The following HERC2 variants were observed in gnomAD, a reference collection of about 807,000 sequenced individuals.
HERC2 encodes E3 ubiquitin-protein ligase HERC2.
In HERC2, 102 loss-of-function variants were observed where a neutral mutation model predicts 537.7. The observed-to-expected ratio is 0.19, with a 90% CI of 0.16 to 0.22. The LOEUF is 0.22. Ranked by LOEUF, HERC2 falls within the 10% of genes least tolerant of loss-of-function variation. HERC2 has a pLI of 1.00. For synonymous variants in HERC2, 2,224 were observed against 2,466.2 expected, an observed-to-expected ratio of 0.90 and a Z score of 2.91; for missense variants, 4,236 against 6,198.2, an observed-to-expected ratio of 0.68 and a Z score of 10.63.
chr15:28,311,078 A>AAAC (rs1258856220), intron 2 of HERC2, among the ~76,000 whole-genome samples: 10 of 123,278 alleles, frequency 8.1e-5, no homozygotes, highest in African/African-American at 3.2e-4. Flanking sequence ...CTGCATCTCA[A>AAAC]AAAAAAAAAA....
intron 69 of HERC2, among the ~76,000 whole-genome samples, chr15:28,159,366 A>T (rs936233732): frequency 3.0e-4 from 46 of 152,136 alleles, no homozygotes; most frequent in Admixed American, 2.0e-4. Context: ...CATCACTTTC[A>T]GGTGCACCAA....
intron 53 of HERC2, among the ~76,000 whole-genome samples, chr15:28,191,699 G>A (rs1337180475): frequency 6.6e-6 from 1 of 152,152 alleles, no homozygotes; most frequent in Admixed American, 6.5e-5. Context: ...ATGCAGGAGA[G>A]GAGGAAAAAA....
chr15:28,165,462 G>A (rs184939820), intron 68 of HERC2, among the ~76,000 whole-genome samples: 119 of 152,158 alleles, frequency 7.8e-4, no homozygotes, highest in African/African-American at 2.7e-3. Flanking sequence ...GGTGTGAACC[G>A]GTGGTTTTCC....
intron 79 of HERC2, 56 bp downstream of exon 79, chr15:28,135,422 A>T: frequency 1.4e-6 from 2 of 1,409,084 alleles, no homozygotes; most frequent in Non-Finnish European, 2.0e-6. Context: ...TAGCAGCATT[A>T]AAACAAACAA....
In HERC2 at chr15:28,135,497, A is replaced by G. The variant is rs769089603; in HGVS notation, c.12211T>C (p.Leu4071=). The G allele has an allele frequency of 1.2e-6, 2 of 1,613,932 alleles. No individual in the cohort carries two copies. The highest frequency in any genetic ancestry group is 1.7e-5 in the Admixed American group (1 of 60,010). ...TCATACCTTCTGTTGCCATGCCCCAACTTCCCATCTTCTGCCTCACCCCAA... is the reference window on the plus strand; with the variant it reads ...TCATACCTTCTGTTGCCATGCCCCAGCTTCCCATCTTCTGCCTCACCCCAA... The part of the protein sequence containing the change: ...YSWGEAEDGK[L]GHGNRSPCDR... Residue 4071 remains leucine, a synonymous_variant, in exon 79 of 93, where the codon TTG becomes CTG. Transcript: ENST00000261609.
chr15:28,296,187 A>C (rs1442199552), intron 3 of HERC2, among the ~76,000 whole-genome samples: 1 of 152,174 alleles, frequency 6.6e-6, no homozygotes, highest in Non-Finnish European at 1.5e-5. Flanking sequence ...AAAATTCATC[A>C]AATGTGGGCC....
Position 28,257,226 on chromosome 15 carries a change from A to G in HERC2, c.2352T>C (p.Ile784=), listed in dbSNP as rs2075290252. 1 of 1,613,872 alleles carries G rather than the reference A, an allele frequency of 6.2e-7. No individual in the cohort carries two copies. Among genetic ancestry groups the G allele is most frequent in the South Asian group, 1.1e-5 (1 of 91,080 alleles). ...CCACCACAAAAGGGACACGGAGGCC[A>G]ATGGACCACTCAGAACATGATGACC... is the stretch of plus-strand genomic sequence containing the variant. ...FAWSSCSEWS[I]GLRVPFVVDI... Residue 784 remains isoleucine, a synonymous_variant, in exon 17 of 93, where the codon ATT becomes ATC. Coordinates refer to ENST00000261609, the MANE Select transcript of HERC2 (RefSeq NM_004667.6).
At position 28,274,872 on chromosome 15, in the gene HERC2, A is replaced by G. The variant is rs202006712; in HGVS notation, c.643+33T>C. ...AACCCAGTCTGTTGATGTATTAGGG[A>G]AGCAGAACAACGCGCCACACCAGGG... On this transcript the variant is annotated intron_variant, in intron 6 of 92. Transcript: ENST00000261609. 1,644 of 1,528,832 alleles carry G rather than the reference A, an allele frequency of 1.1e-3. 22 individuals carry two copies. The highest frequency in any genetic ancestry group is 2.1e-4 in the Non-Finnish European group (229 of 1,106,066). 94.7% of individuals were successfully genotyped at this position (1,528,832 alleles called of 1,614,324 possible). A position where few individuals can be genotyped will look rare whatever the true frequency, so the allele number is the denominator to read the frequency against.
At chr15:28,316,650 T>TTTTTTTTTTTATGTTTA (rs2077094586) in intron 2 of HERC2, among the ~76,000 whole-genome samples, 3 of 152,180 alleles carry the variant, frequency 2.0e-5, no homozygotes, top group Non-Finnish European at 2.9e-5. Flanking sequence ...CCTAAAAACG[T>TTTTTTTTTTTATGTTTA]CAATGAAGAC....
chr15:28,269,163 T>A, intron 11 of HERC2, 85 bp downstream of exon 11: 1 of 1,076,228 alleles, frequency 9.3e-7, no homozygotes, highest in Non-Finnish European at 1.3e-6. Context: ...TCAAACGCCT[T>A]AAAGAAACAC....
At position 28,125,089 on chromosome 15, in the gene HERC2, C is replaced by A. The variant is rs1227079223; in HGVS notation, c.12907G>T (p.Val4303Phe). ...GCTGAGCCACAGGCCACACGGTTGA[C>A]CTTCTTACCCTGAAGGGCAGCTACC... ...RLVAALQGKK[V>F]NRVACGSAHT... Residue 4303 changes from valine to phenylalanine, a missense_variant, in exon 84 of 93, where the codon GTC becomes TTC. Around this residue, in one of 27 missense-constraint regions of HERC2, gnomAD observed 189 missense variants for 255.7 expected, o/e 0.74. Coordinates refer to ENST00000261609, the MANE Select transcript of HERC2 (RefSeq NM_004667.6). 3.7e-6 allele frequency: 6 copies of A among 1,614,146 alleles called. No homozygotes were observed. Among genetic ancestry groups the A allele is most frequent in the Non-Finnish European group, 3.4e-6 (4 of 1,179,964 alleles).
At position 28,117,259 on chromosome 15, in the gene HERC2, T is replaced by G. The variant is rs114446281; in HGVS notation, c.13273-105A>C. ...ATGCACGAGGAGGAGGCACCGTGCATGGGCCCCTCCCTGGTCACACACCTG... is the reference window on the plus strand; with the variant it reads ...ATGCACGAGGAGGAGGCACCGTGCAGGGGCCCCTCCCTGGTCACACACCTG... On this transcript the variant is annotated intron_variant, in intron 86 of 92. Transcript: ENST00000261609. 1,204 of 1,136,546 alleles carry G rather than the reference T, an allele frequency of 1.1e-3. 12 individuals are homozygous for G. In the African/African-American group the frequency reaches 0.015, roughly 14 times the overall value. The allele number at this position is 1,136,546 out of a possible 1,614,324, so 70.4% of individuals were successfully genotyped here. A position where few individuals can be genotyped will look rare whatever the true frequency, so the allele number is the denominator to read the frequency against.
chr15:28,131,951 C>G, intron 81 of HERC2, 149 bp downstream of exon 81: 1 of 591,754 alleles, frequency 1.7e-6, no homozygotes, highest in Non-Finnish European at 2.9e-6. Context: ...TTTACTGGAA[C>G]GAAGGTAAAG....
chr15:28,303,516 G>A (rs1439084074), intron 2 of HERC2, among the ~76,000 whole-genome samples: 1 of 152,170 alleles, frequency 6.6e-6, no homozygotes, highest in Non-Finnish European at 1.5e-5. Flanking sequence ...GCTCAGGATG[G>A]CTTTGGCTAT....
rs1252884291 is a variant in HERC2, at chr15:28,321,471, G to A, written c.-31-7C>T. The A allele has an allele frequency of 3.8e-6, 4 of 1,049,244 alleles. No individual in the cohort carries two copies. Among genetic ancestry groups the A allele is most frequent in the Admixed American group, 3.5e-5 (2 of 57,076 alleles). The allele number at this position is 1,049,244 out of a possible 1,614,324, so 65.0% of individuals were successfully genotyped here. A position where few individuals can be genotyped will look rare whatever the true frequency, so the allele number is the denominator to read the frequency against. On this transcript the variant is annotated splice_polypyrimidine_tract_variant and splice_region_variant and intron_variant, in intron 1 of 92. Transcript: ENST00000261609. ...TTCCTCCCAGGTCTCAGGCCTGCAA[G>A]TAAACACATACGCTGAAGACCTAAC...
chr15:28,315,233 T>C (rs1283820930), intron 2 of HERC2, among the ~76,000 whole-genome samples: 2 of 152,218 alleles, frequency 1.3e-5, no homozygotes, highest in Non-Finnish European at 2.9e-5. Context: ...TCTCTCCTTG[T>C]AAAGTGGTGA....
In HERC2 at chr15:28,163,106, G is replaced by A. The variant is rs759342319; in HGVS notation, c.10734C>T (p.Thr3578=). ...VLSAVLSGMG[T]AYPQVADMLL... ...CCCTGAGACTCACCTGTGGGTAGGC[G>A]GTCCCCATGCCGGAAAGCACCGCGG... The change falls in exon 69 of 93, where the codon ACC becomes ACT. Residue 3578 remains threonine, a synonymous_variant. Transcript: ENST00000261609. The A allele has an allele frequency of 2.6e-5, 42 of 1,609,808 alleles. No homozygotes were observed. The highest frequency in any genetic ancestry group is 6.7e-5 in the Admixed American group (4 of 59,924).
At chr15:28,306,259 T>C (rs564053651) in intron 2 of HERC2, among the ~76,000 whole-genome samples, 2 of 152,364 alleles carry the variant, frequency 1.3e-5, no homozygotes, top group South Asian at 2.1e-4. Context: ...AACCAGTTTT[T>C]TGGGGGTTTT....
intron 86 of HERC2, among the ~76,000 whole-genome samples, chr15:28,120,429 G>C (rs1041897672): frequency 3.3e-5 from 5 of 152,224 alleles, no homozygotes; most frequent in Admixed American, 6.5e-5. Context: ...ATGGCTCTCT[G>C]TGTCTGATCC....
Sources: gnomAD v4.1 joint callset for allele counts (sites outside exome capture counted in the v4.1 genomes callset) on GRCh38, gnomAD v4.1.1 for gene constraint, gnomAD v4.1.1 regional missense constraint, MANE v1.5 for transcripts, NCBI Gene and HGNC (gene_info 2026-07-23, HGNC 2026-07-21) for gene names.